Variants in SLC22A15 observed in about 807,000 individuals in gnomAD.
The protein encoded by SLC22A15 is flipt 1.
A neutral mutation model predicts 62.7 loss-of-function variants in SLC22A15; 45 were observed. The observed-to-expected ratio is 0.72, with a 90% CI of 0.56 to 0.92. The LOEUF is 0.92. Among genes scored for constraint, SLC22A15 ranks in the 40% least tolerant of loss-of-function variants. SLC22A15 has a pLI of 0.00. For synonymous variants in SLC22A15, 264 were observed against 267.0 expected (o/e 0.99, Z 0.11); for missense variants, 622 against 665.6 (o/e 0.93, Z 0.72).
intron 2 of SLC22A15, among the ~76,000 whole-genome samples, chr1:115,997,207 T>G (rs1426146611): frequency 6.6e-6 from 1 of 152,188 alleles, no homozygotes; most frequent in African/African-American, 2.4e-5. Flanking sequence ...TAGCATAATT[T>G]GAAGTCAAAT....
chr1:116,012,223 C>G (rs1656308820), intron 2 of SLC22A15, among the ~76,000 whole-genome samples: 1 of 152,036 alleles, frequency 6.6e-6, no homozygotes, highest in Non-Finnish European at 1.5e-5. Context: ...AAAACGGAAG[C>G]AGACAAATTT....
chr1:116,011,814 C>T (rs1420809621), intron 2 of SLC22A15, among the ~76,000 whole-genome samples: 1 of 152,074 alleles, frequency 6.6e-6, no homozygotes, highest in African/African-American at 2.4e-5. Context: ...GAGAGGAGGG[C>T]ACAGTGCATA....
At chr1:116,029,536 A>G (rs1366056165) in intron 5 of SLC22A15, among the ~76,000 whole-genome samples, 1 of 152,186 alleles carries the variant, frequency 6.6e-6, no homozygotes, top group African/African-American at 2.4e-5. Context: ...AAATCTGTCC[A>G]CTGGCAACTA....
chr1:116,000,373 TA>T (rs1655660280), intron 2 of SLC22A15, among the ~76,000 whole-genome samples: 1 of 152,140 alleles, frequency 6.6e-6, no homozygotes, highest in Admixed American at 6.5e-5. Context: ...AGAAAACTAA[TA>T]AAAAGTCTAC....
chr1:115,986,800 C>T (rs1654886496), intron 1 of SLC22A15, among the ~76,000 whole-genome samples: 1 of 152,176 alleles, frequency 6.6e-6, no homozygotes, highest in South Asian at 2.1e-4. Flanking sequence ...AGGAATCCCA[C>T]TTGACACTGA....
intron 8 of SLC22A15, among the ~76,000 whole-genome samples, chr1:116,041,570 C>T (rs1389637785): frequency 2.0e-5 from 3 of 152,116 alleles, no homozygotes; most frequent in Non-Finnish European, 4.4e-5. Context: ...TCTGAAAATG[C>T]CCTAGCACAT....
chr1:116,005,739 T>C (rs1009802304), intron 2 of SLC22A15, among the ~76,000 whole-genome samples: 1 of 152,154 alleles, frequency 6.6e-6, no homozygotes, highest in Non-Finnish European at 1.5e-5. Flanking sequence ...AGAGTCCATG[T>C]TGGCTCAGGA....
At chr1:116,046,656 A>G (rs991625487) in intron 8 of SLC22A15, among the ~76,000 whole-genome samples, 1 of 152,192 alleles carries the variant, frequency 6.6e-6, no homozygotes, top group African/African-American at 2.4e-5. Flanking sequence ...CAATCCCGAG[A>G]GGACCCACAG....
At chr1:116,066,828 A>G (rs1224761504) in intron 11 of SLC22A15, 120 bp downstream of exon 11, 5 of 1,050,574 alleles carry the variant, frequency 4.8e-6, no homozygotes, top group Non-Finnish European at 6.8e-6. Context: ...GTGGGATCTA[A>G]CAGCAGCTGA....
intron 5 of SLC22A15, among the ~76,000 whole-genome samples, 194 bp from the exon 6 acceptor site, chr1:116,031,172 A>G (rs1020424703): frequency 1.3e-5 from 2 of 152,208 alleles, no homozygotes; most frequent in African/African-American, 4.8e-5. Context: ...TTTCAGTGAT[A>G]AAGTAGACTA....
At chr1:115,991,233 C>G (rs1655128092) in intron 1 of SLC22A15, among the ~76,000 whole-genome samples, 1 of 152,140 alleles carries the variant, frequency 6.6e-6, no homozygotes, top group Non-Finnish European at 1.5e-5. Context: ...CTTATAAACC[C>G]AATTTCAAGT....
rs140075474 is a variant in SLC22A15, at chr1:116,050,133, A to T, written c.1172-12629A>T. ...AATTACCAACAAAAAAAAGTCCAGG[A>T]CCAGACAGATTTACAGCAGAATTCT... On this transcript the variant is annotated intron_variant, in intron 8 of 11. Coordinates refer to ENST00000369503, the MANE Select transcript of SLC22A15 (RefSeq NM_018420.3). Among the ~76,000 whole-genome samples the T allele has an allele frequency of 5.3e-3, 807 of 152,284 alleles. 2 individuals carry two copies. Among genetic ancestry groups the T allele is most frequent in the Middle Eastern group, 0.01 (3 of 294 alleles).
At chr1:115,981,023 T>C (rs1054401379) in intron 1 of SLC22A15, among the ~76,000 whole-genome samples, 14 of 152,174 alleles carry the variant, frequency 9.2e-5, no homozygotes, top group African/African-American at 2.9e-4. Flanking sequence ...TTATTCAGCC[T>C]GTTTTGTTAA....
At chr1:115,999,056 G>T (rs1004954483) in intron 2 of SLC22A15, among the ~76,000 whole-genome samples, 1 of 152,008 alleles carries the variant, frequency 6.6e-6, no homozygotes, top group African/African-American at 2.4e-5. Flanking sequence ...GAAGCATATT[G>T]TTTCATTTCC....
intron 2 of SLC22A15, among the ~76,000 whole-genome samples, chr1:116,017,862 T>C (rs1656616151): frequency 6.6e-6 from 1 of 152,242 alleles, no homozygotes; most frequent in South Asian, 2.1e-4. Flanking sequence ...GGTTCACTTT[T>C]ATTCTTATAA....
intron 6 of SLC22A15, among the ~76,000 whole-genome samples, chr1:116,034,293 T>G (rs1390751926): frequency 6.6e-6 from 1 of 152,178 alleles, no homozygotes; most frequent in African/African-American, 2.4e-5. Flanking sequence ...CTATTTTGTT[T>G]TGTTTTATTT....
Position 116,026,904 on chromosome 1 carries a change from G to A in SLC22A15, c.610G>A (p.Gly204Ser), listed in dbSNP as rs763832180. The change falls in exon 5 of 12, where the codon GGC (glycine) becomes AGC (serine). Residue 204 changes from glycine to serine, a missense_variant. Gly to Ser is a moderately conservative substitution (Grantham distance 56, BLOSUM62 0). Coordinates refer to ENST00000369503, the MANE Select transcript of SLC22A15 (RefSeq NM_018420.3). Reference sequence around the variant, plus strand: ...TTTCCCTGAATTAGGATCGATTGGCGGCCTGTTCTTTGCAGTTGGCATTGC... The same window carrying A: ...TTTCCCTGAATTAGGATCGATTGGCAGCCTGTTCTTTGCAGTTGGCATTGC... ...AYWALAGSIG[G>S]LFFAVGIAQY... is the part of the protein sequence containing the mutation. 16 of 1,613,056 alleles carry A rather than the reference G, an allele frequency of 9.9e-6. No individual in the cohort carries two copies. The highest frequency in any genetic ancestry group is 1.8e-4 in the Middle Eastern group (1 of 5,534).
intron 2 of SLC22A15, among the ~76,000 whole-genome samples, chr1:116,002,887 C>T (rs1290200741): frequency 6.6e-6 from 1 of 151,350 alleles, no homozygotes; most frequent in African/African-American, 2.4e-5. Context: ...TTTTACTCTT[C>T]CCTCTCCTTT....
At chr1:116,058,155 G>C (rs1167162437) in intron 8 of SLC22A15, among the ~76,000 whole-genome samples, 1 of 151,746 alleles carries the variant, frequency 6.6e-6, no homozygotes, top group Non-Finnish European at 1.5e-5. Flanking sequence ...CATAGCAAAA[G>C]GCACAGTCAG....
Sources: allele counts gnomAD v4.1 joint callset (sites outside exome capture counted in the v4.1 genomes callset), GRCh38; gene constraint gnomAD v4.1.1; transcripts MANE v1.5; gene names NCBI Gene and HGNC (gene_info 2026-07-23, HGNC 2026-07-21).